Variants in ACAA1 observed in about 807,000 individuals in gnomAD.
ACAA1 encodes the protein 3-ketoacyl-CoA thiolase, peroxisomal.
ACAA1 carries 44 observed loss-of-function variants against 48.8 expected under a neutral mutation model. The observed-to-expected ratio is 0.90, with a 90% CI of 0.71 to 1.16. The LOEUF (loss-of-function observed/expected upper bound fraction) is 1.16, where lower values mean the gene tolerates loss of function less well. Ranked by LOEUF, ACAA1 falls within the 50% of genes most tolerant of loss-of-function variation. The probability of loss-of-function intolerance (pLI) is 0.00; values close to 1 mark genes in which losing one functional copy is unlikely to be tolerated. For synonymous variants in ACAA1, 233 were observed against 226.5 expected (o/e 1.03, Z -0.26); for missense variants, 512 against 562.3 (o/e 0.91, Z 0.90).
intron 2 of ACAA1, among the ~76,000 whole-genome samples, chr3:38,134,948 C>T (rs564386923): frequency 1.3e-5 from 2 of 149,284 alleles, no homozygotes; most frequent in African/African-American, 4.9e-5. Context: ...CTCTATTTCC[C>T]GCACATCCCT....
rs1465693722 is a variant in ACAA1, at chr3:38,134,024, C to T, written c.266-15G>A. ...CAGCACATTTCCTGTGGACAACAAA[C>T]TTTCATTCAGTGCCAGGCGGTGGTG... On this transcript the variant is annotated splice_polypyrimidine_tract_variant and intron_variant, in intron 2 of 11. Transcript: ENST00000333167. 6.2e-7 allele frequency: 1 copy of T among 1,611,622 alleles called. No individual in the cohort carries two copies. Among genetic ancestry groups the T allele is most frequent in the East Asian group, 2.2e-5 (1 of 44,802 alleles).
rs978483635 is a variant in ACAA1 at position 38,136,866 on chromosome 3, T to A, written c.170A>T (p.Lys57Met). The change falls in exon 1 of 12, where the codon AAG becomes ATG. Residue 57 changes from lysine to methionine, a missense_variant and splice_region_variant. Lys to Met is a moderately conservative substitution (Grantham distance 95, BLOSUM62 -1). Transcript: ENST00000333167. ...GGCGCCCAGACCCTCGGGCCTCACC[T>A]TGAAGCCGCCGCGGCCCGCCCGGCA... is the stretch of plus-strand genomic sequence containing the variant. Reference protein sequence around the residue: ...AICRAGRGGFKDTTPDELLSA... With the variant: ...AICRAGRGGFMDTTPDELLSA... The A allele has an allele frequency of 1.3e-6, 2 of 1,524,418 alleles. No homozygotes were observed. The highest frequency in any genetic ancestry group is 4.1e-5 in the Admixed American group (2 of 48,748). 94.4% of individuals were successfully genotyped at this position (1,524,418 alleles called of 1,614,324 possible).
intron 11 of ACAA1, 170 bp downstream of exon 11, chr3:38,125,395 A>G (rs1012450294): frequency 1.3e-6 from 1 of 759,886 alleles, no homozygotes; most frequent in African/African-American, 1.8e-5. Context: ...TGGACCAGCC[A>G]AGACCTTAGG....
intron 5 of ACAA1, among the ~76,000 whole-genome samples, chr3:38,130,102 A>G (rs915049000): frequency 6.6e-6 from 1 of 152,250 alleles, no homozygotes; most frequent in Non-Finnish European, 1.5e-5. Context: ...AAGGGCATTC[A>G]GACCTGCATA....
rs1700897826 is a variant in ACAA1 at position 38,136,560 on chromosome 3, G to A, written c.265+32C>T. On this transcript the variant is annotated intron_variant, in intron 2 of 11. Transcript: ENST00000333167. ...TCTGGACGAACGGAAGAACGGGGAA[G>A]GCCCAGCGCAGGGCCTGAGTGGTTC... 1.9e-6 allele frequency: 3 copies of A among 1,611,706 alleles called. No individual in the cohort carries two copies. The East Asian group carries it at 6.7e-5, about 36-fold the overall frequency.
chr3:38,134,070 C>A, intron 2 of ACAA1, 61 bp from the exon 3 acceptor site: 1 of 1,513,450 alleles, frequency 6.6e-7, no homozygotes, highest in Non-Finnish European at 9.0e-7. Context: ...TAAAGTATAG[C>A]TGTGAAAACC....
rs1254446625 is a variant in ACAA1 at position 38,126,326 on chromosome 3, A to C, written c.833T>G (p.Val278Gly). ...CAGGATGGCAGCTGCCCCATCACTCACCTGGCTAGAGTTTCCTAGGGGCAA... is the reference window on the plus strand; with the variant it reads ...CAGGATGGCAGCTGCCCCATCACTCCCCTGGCTAGAGTTTCCTAGGGGCAA... Reference protein sequence around the residue: ...GSTTAGNSSQVSDGAAAILLA... With the variant: ...GSTTAGNSSQGSDGAAAILLA... Residue 278 changes from valine to glycine, a missense_variant, in exon 9 of 12, where the codon GTG (valine) becomes GGG (glycine). Transcript: ENST00000333167. This position sits in a 1 kb window ranked among gnomAD's most constrained non-coding sequence, Gnocchi z 4.7. 3.1e-6 allele frequency: 5 copies of C among 1,613,608 alleles called. No individual in the cohort carries two copies. Among genetic ancestry groups the C allele is most frequent in the Non-Finnish European group, 2.5e-6 (3 of 1,179,840 alleles).
At chr3:38,132,093 C>G in intron 3 of ACAA1, 88 bp from the exon 4 acceptor site, 11 of 1,232,316 alleles carry the variant, frequency 8.9e-6, no homozygotes, top group Non-Finnish European at 5.9e-6. Flanking sequence ...AACTGCCCCC[C>G]TCAAGGGATG....
At chr3:38,135,796 T>G (rs894699084) in intron 2 of ACAA1, among the ~76,000 whole-genome samples, 1 of 152,060 alleles carries the variant, frequency 6.6e-6, no homozygotes, top group Non-Finnish European at 1.5e-5. Context: ...TTACTAATAC[T>G]CCTCAGCACC....
rs746380963 is a variant in ACAA1 at position 38,126,319 on chromosome 3, A to G, written c.840T>C (p.Asp280=). ...TTAGNSSQVS[D]GAAAILLARR... is the part of the protein sequence containing the mutation. ...GGGCCAGCAGGATGGCAGCTGCCCC[A>G]TCACTCACCTGGCTAGAGTTTCCTA... is the stretch of plus-strand genomic sequence containing the variant. Residue 280 remains aspartate (D), a synonymous_variant, in exon 9 of 12, where the codon GAT becomes GAC. Transcript: ENST00000333167. This position sits in a 1 kb window ranked among gnomAD's most constrained non-coding sequence, Gnocchi z 4.7. 6 of 1,613,982 alleles carry G rather than the reference A, an allele frequency of 3.7e-6. No homozygotes were observed. The South Asian group carries it at 6.6e-5, about 18-fold the overall frequency.
intron 2 of ACAA1, among the ~76,000 whole-genome samples, chr3:38,136,109 TC>T (rs1358232336): frequency 6.6e-6 from 1 of 152,206 alleles, no homozygotes; most frequent in African/African-American, 2.4e-5. Flanking sequence ...CAGCCCTAAA[TC>T]CCTCAAACCT....
At position 38,127,724 on chromosome 3, in the gene ACAA1, TTAGA is replaced by T. The variant is rs138860214; in HGVS notation, c.626+58_626+61del. On this transcript the variant is annotated intron_variant, in intron 7 of 11. Transcript: ENST00000333167. ...ACGAAATGGTGCCACTTCAGACCAC[TTAGA>T]TAGACTCAAAACCTCACTCTCCAGC... 559 of 1,559,626 alleles carry T rather than the reference TTAGA, an allele frequency of 3.6e-4. No individual in the cohort carries two copies. The East Asian group carries it at 4.3e-3, about 12-fold the overall frequency.
rs1160611972 is a variant in ACAA1 at position 38,126,517 on chromosome 3, G to A, written c.810C>T (p.Thr270=). 1 of 1,614,090 alleles carries A rather than the reference G, an allele frequency of 6.2e-7. No individual in the cohort carries two copies. Among genetic ancestry groups the A allele is most frequent in the African/African-American group, 1.3e-5 (1 of 74,918 alleles). ...LKPAFKKDGS[T]TAGNSSQVSD... is the part of the protein sequence containing the mutation. ...ACCCCGGACCAGTCTCACCAGCTGT[G>A]GTAGAACCATCTTTCTTGAAGGCAG... Residue 270 remains threonine, a synonymous_variant, in exon 8 of 12, where the codon ACC becomes ACT. Transcript: ENST00000333167. The surrounding 1 kb of genome is among the most constrained non-coding windows in gnomAD (Gnocchi z 4.7).
chr3:38,134,880 C>T (rs765198086), intron 2 of ACAA1, among the ~76,000 whole-genome samples: 11 of 152,096 alleles, frequency 7.2e-5, no homozygotes, highest in Non-Finnish European at 1.6e-4. Flanking sequence ...CCTTACTGTC[C>T]CCCAGCCCGA....
At chr3:38,136,024 C>G (rs1291600218) in intron 2 of ACAA1, among the ~76,000 whole-genome samples, 1 of 152,102 alleles carries the variant, frequency 6.6e-6, no homozygotes, top group Non-Finnish European at 1.5e-5. Flanking sequence ...CCTGGTTAAT[C>G]GAGAATGGAG....
Position 38,137,124 on chromosome 3 carries a change from T to C in ACAA1, c.-89A>G. 1 of 1,105,966 alleles carries C rather than the reference T, an allele frequency of 9.0e-7. No individual in the cohort carries two copies. The highest frequency in any genetic ancestry group is 1.7e-5 in the African/African-American group (1 of 60,022). 68.5% of individuals were successfully genotyped at this position (1,105,966 alleles called of 1,614,324 possible). A position where few individuals can be genotyped will look rare whatever the true frequency, so the allele number is the denominator to read the frequency against. The stretch of plus-strand genomic sequence containing the variant: ...CCGTCCGCACACGCGCAGAACCACA[T>C]CTCAGCCTCCAAGGCCTCAACTCCG... On this transcript the variant is annotated 5_prime_UTR_variant, in exon 1 of 12. An upstream start codon of the reference 5' UTR is lost. Transcript: ENST00000333167.
intron 3 of ACAA1, chr3:38,133,688 C>A: frequency 1.9e-6 from 1 of 536,500 alleles, no homozygotes. Flanking sequence ...TCCACACTCA[C>A]AAAAGGCAAA....
At chr3:38,134,043 G>A (rs370487162) in intron 2 of ACAA1, 34 bp from the exon 3 acceptor site, 130 of 1,600,446 alleles carry the variant, frequency 8.1e-5, no homozygotes, top group Non-Finnish European at 1.0e-4. Context: ...AGTGCCAGGC[G>A]GTGGTGTTCT....
intron 3 of ACAA1, 64 bp from the exon 4 acceptor site, chr3:38,132,069 A>G (rs1194187400): frequency 2.1e-6 from 3 of 1,447,508 alleles, no homozygotes; most frequent in East Asian, 4.6e-5. Flanking sequence ...CATGGAAAGC[A>G]GTCCTATGCT....
Sources: gnomAD v4.1 joint callset for allele counts (sites outside exome capture counted in the v4.1 genomes callset) on GRCh38, gnomAD v4.1.1 for gene constraint, Gnocchi (gnomAD v3.1) non-coding constraint, MANE v1.5 for transcripts, NCBI Gene and HGNC (gene_info 2026-07-23, HGNC 2026-07-21) for gene names.